TMEM163: variants seen among roughly 807,000 people sequenced by gnomAD.
TMEM163 encodes the protein transmembrane protein 163.
Under a neutral mutation model 29.3 loss-of-function variants are expected in TMEM163, and 17 were observed. The ratio of observed to expected loss-of-function variants is 0.58; its 90% confidence interval spans 0.40 to 0.87. The LOEUF is 0.87. TMEM163 is among the 40% of genes least tolerant of loss of function. TMEM163 has a pLI of 0.00. For missense variants in TMEM163, 303 were observed against 381.5 expected (o/e 0.79, Z 1.71); for synonymous variants, 157 against 160.6 (o/e 0.98, Z 0.17).
intron 1 of TMEM163, among the ~76,000 whole-genome samples, chr2:134,717,639 A>G (rs1685063894): frequency 6.6e-6 from 1 of 152,224 alleles, no homozygotes; most frequent in Non-Finnish European, 1.5e-5. Flanking sequence ...CCAACAAAAT[A>G]AGGCTTCCAA....
intron 2 of TMEM163, among the ~76,000 whole-genome samples, chr2:134,559,687 T>C (rs966418351): frequency 6.6e-6 from 1 of 152,002 alleles, no homozygotes; most frequent in African/African-American, 2.4e-5. Context: ...AAAGGGACTA[T>C]ACAACCCCGC....
At chr2:134,512,117 G>C (rs1342691572) in intron 4 of TMEM163, among the ~76,000 whole-genome samples, 1 of 152,130 alleles carries the variant, frequency 6.6e-6, no homozygotes, top group African/African-American at 2.4e-5. Flanking sequence ...ACAAAACATG[G>C]CCCTTTTCCT....
chr2:134,532,997 G>A (rs1680447658), intron 4 of TMEM163, among the ~76,000 whole-genome samples: 1 of 152,120 alleles, frequency 6.6e-6, no homozygotes, highest in Admixed American at 6.5e-5. Flanking sequence ...GTTGGGCTAG[G>A]ACACACTATG....
intron 7 of TMEM163, 141 bp from the exon 8 acceptor site, chr2:134,456,917 T>G: frequency 2.4e-6 from 2 of 826,552 alleles, no homozygotes; most frequent in Admixed American, 2.2e-5. Flanking sequence ...TTTTAGTATA[T>G]TCATCCATTT....
chr2:134,709,827 TAAG>T (rs1203795102), intron 2 of TMEM163, among the ~76,000 whole-genome samples: 1 of 152,242 alleles, frequency 6.6e-6, no homozygotes, highest in African/African-American at 2.4e-5. Flanking sequence ...TAAAGTCTGA[TAAG>T]AAACATTTGC....
rs923700438 is a variant in TMEM163, at chr2:134,695,888, TA to T, written c.322+17311del. Among the ~76,000 whole-genome samples, 57 of 152,138 alleles carry T rather than the reference TA, an allele frequency of 3.7e-4. 5 individuals are homozygous for T. The highest frequency in any genetic ancestry group is 1.3e-3 in the African/African-American group (55 of 41,506). The stretch of plus-strand genomic sequence containing the variant: ...CAATATGGCGAAACCCCGTCTCTAC[TA>T]AAAATACAAAAAATTAGCCAGGCGT... On this transcript the variant is annotated intron_variant, in intron 2 of 7. Transcript: ENST00000281924.
intron 2 of TMEM163, among the ~76,000 whole-genome samples, chr2:134,589,664 G>A (rs1681898983): frequency 6.6e-6 from 1 of 152,170 alleles, no homozygotes; most frequent in Admixed American, 6.5e-5. Context: ...TCCACCCATT[G>A]TTTAGCAAAT....
intron 5 of TMEM163, among the ~76,000 whole-genome samples, chr2:134,493,998 A>G (rs189649529): frequency 2.6e-5 from 4 of 152,282 alleles, no homozygotes; most frequent in East Asian, 3.9e-4. Context: ...CAAAGAAAGT[A>G]TCAAGTCCAG....
chr2:134,467,746 T>C (rs1686702469), intron 5 of TMEM163: 1 of 152,166 alleles, frequency 6.6e-6, no homozygotes. Context: ...AGTCTAGGGT[T>C]TCGTGAATAG....
chr2:134,645,429 ATACT>A (rs767858632), intron 2 of TMEM163, among the ~76,000 whole-genome samples: 8 of 152,218 alleles, frequency 5.3e-5, no homozygotes, highest in Non-Finnish European at 1.0e-4. Flanking sequence ...AAGGCCAAAG[ATACT>A]TACTATCTGG....
chr2:134,634,005 ATATATATATATATAT>A (rs1683044922), intron 2 of TMEM163, among the ~76,000 whole-genome samples: 16 of 30,232 alleles, frequency 5.3e-4, no homozygotes, highest in Admixed American at 2.6e-3. Flanking sequence ...ATATATATAT[ATATATATATATATAT>A]AATAGGACTG....
At chr2:134,560,214 G>C (rs1408046269) in intron 2 of TMEM163, among the ~76,000 whole-genome samples, 1 of 152,098 alleles carries the variant, frequency 6.6e-6, no homozygotes, top group Non-Finnish European at 1.5e-5. Flanking sequence ...TTTATCTGAA[G>C]TACATCTCAT....
intron 2 of TMEM163, among the ~76,000 whole-genome samples, chr2:134,647,448 A>T: frequency 6.6e-6 from 1 of 152,174 alleles, no homozygotes; most frequent in East Asian, 1.9e-4. Context: ...CTGACAGAGG[A>T]TCTTCTTCAA....
chr2:134,578,508 C>T (rs1681614118), intron 2 of TMEM163, among the ~76,000 whole-genome samples: 2 of 152,120 alleles, frequency 1.3e-5, no homozygotes. Flanking sequence ...TCGTGGTTAG[C>T]GTCTGTATGT....
At chr2:134,596,867 T>C (rs1234482136) in intron 2 of TMEM163, among the ~76,000 whole-genome samples, 2 of 152,216 alleles carry the variant, frequency 1.3e-5, no homozygotes, top group Non-Finnish European at 2.9e-5. Flanking sequence ...TTTATTCTCT[T>C]TGAAGCAATT....
chr2:134,499,587 C>A (rs1255621364), intron 5 of TMEM163, among the ~76,000 whole-genome samples: 1 of 152,226 alleles, frequency 6.6e-6, no homozygotes, highest in Non-Finnish European at 1.5e-5. Context: ...ACCAACTTTA[C>A]AGTTGGGAAA....
intron 2 of TMEM163, among the ~76,000 whole-genome samples, chr2:134,685,592 G>A (rs1209236134): frequency 6.6e-6 from 1 of 152,130 alleles, no homozygotes; most frequent in Non-Finnish European, 1.5e-5. Flanking sequence ...TCACTGTAAG[G>A]TCCAAGGTTA....
intron 2 of TMEM163, among the ~76,000 whole-genome samples, chr2:134,699,260 T>C (rs1276477544): frequency 1.3e-5 from 2 of 152,114 alleles, no homozygotes; most frequent in African/African-American, 4.8e-5. Flanking sequence ...TCCCAGTACT[T>C]TGGGAGGCCA....
chr2:134,461,732 G>C (rs1018529668), intron 6 of TMEM163, among the ~76,000 whole-genome samples: 44 of 152,194 alleles, frequency 2.9e-4, no homozygotes, highest in African/African-American at 7.5e-4. Flanking sequence ...CCAGCTGTAA[G>C]GACACCCCAG....
Sources: allele counts gnomAD v4.1 joint callset (sites outside exome capture counted in the v4.1 genomes callset), GRCh38; gene constraint gnomAD v4.1.1; transcripts MANE v1.5; gene names NCBI Gene and HGNC (gene_info 2026-07-23, HGNC 2026-07-21).